SAMSN1: variants seen among roughly 807,000 people sequenced by gnomAD.
SAMSN1 encodes the protein SAM domain, SH3 domain and nuclear localization signals 1.
SAMSN1 carries 31 observed loss-of-function variants against 42.0 expected under a neutral mutation model. The observed-to-expected ratio is 0.74, with a 90% CI of 0.55 to 1.00. The LOEUF is 1.00. SAMSN1 is among the 50% of genes least tolerant of loss of function. SAMSN1 has a pLI of 0.00. For missense variants in SAMSN1, 464 were observed against 439.4 expected (o/e 1.06, Z -0.50); for synonymous variants, 178 against 151.9 (o/e 1.17, Z -1.26).
intron 1 of SAMSN1, chr21:14,523,323 G>A (rs772225206): frequency 3.3e-5 from 5 of 152,220 alleles, no homozygotes; most frequent in Admixed American, 6.5e-5. Flanking sequence ...ATTGCCCCAA[G>A]GATGATAGCT....
At chr21:14,571,603 G>A (rs1332749984) in intron 2 of SAMSN1, among the ~76,000 whole-genome samples, 3 of 152,092 alleles carry the variant, frequency 2.0e-5, no homozygotes, top group Admixed American at 6.5e-5. Flanking sequence ...ATGACTGAGC[G>A]ATATATTATG....
At chr21:14,596,677 C>T (rs1982271822) in intron 6 of SAMSN1, among the ~76,000 whole-genome samples, 1 of 152,100 alleles carries the variant, frequency 6.6e-6, no homozygotes, top group Admixed American at 6.6e-5. Flanking sequence ...ATGGATAGAC[C>T]AAAGTGGCAA....
intron 2 of SAMSN1, among the ~76,000 whole-genome samples, chr21:14,559,488 G>T (rs1980871812): frequency 6.6e-6 from 1 of 152,070 alleles, no homozygotes; most frequent in African/African-American, 2.4e-5. Flanking sequence ...TCCCTTGGGA[G>T]AATCTGTCTC....
intron 1 of SAMSN1, among the ~76,000 whole-genome samples, chr21:14,654,449 C>T (rs1983883277): frequency 6.6e-6 from 1 of 151,994 alleles, no homozygotes; most frequent in African/African-American, 2.4e-5. Flanking sequence ...ACATATTAAG[C>T]TCCCATCCCA....
At chr21:14,577,284 A>ATATATATATTTTTT (rs1460040142) in intron 2 of SAMSN1, among the ~76,000 whole-genome samples, 1 of 53,856 alleles carries the variant, frequency 1.9e-5, no homozygotes, top group African/African-American at 8.4e-5. Context: ...ATATATATAT[A>ATATATATATTTTTT]TTTTTTTTTT....
At chr21:14,580,058 G>A (rs1301759077) in intron 2 of SAMSN1, among the ~76,000 whole-genome samples, 1 of 152,184 alleles carries the variant, frequency 6.6e-6, no homozygotes, top group African/African-American at 2.4e-5. Context: ...TCAAAGGAAG[G>A]AGGGACTACT....
At chr21:14,503,582 G>A (rs760906973) in intron 5 of SAMSN1, among the ~76,000 whole-genome samples, 7 of 152,154 alleles carry the variant, frequency 4.6e-5, no homozygotes, top group Non-Finnish European at 1.0e-4. Flanking sequence ...AATAGAGAAT[G>A]AATACAGAGG....
chr21:14,546,221 T>A lies in SAMSN1; in HGVS notation c.41A>T (p.Lys14Ile). 6.2e-7 allele frequency: 1 copy of A among 1,613,476 alleles called. No homozygotes were observed. The highest frequency in any genetic ancestry group is 8.5e-7 in the Non-Finnish European group (1 of 1,179,664). The change falls in exon 1 of 8, where the codon AAA becomes ATA. Residue 14 changes from lysine (K) to isoleucine (I), a missense_variant. By Grantham distance (102) the Lys-to-Ile change is moderately radical. Transcript: ENST00000400566. ...RKPSNVSEKE[K>I]HQKPKRSSSF... ...TCACCTTACCTTTGGTTTTTGATGTTTCTCCTTCTCTGAAACATTGGATGG... is the reference window on the plus strand; with the variant it reads ...TCACCTTACCTTTGGTTTTTGATGTATCTCCTTCTCTGAAACATTGGATGG...
At chr21:14,629,619 CCA>C (rs1303473364) in intron 2 of SAMSN1, among the ~76,000 whole-genome samples, 2 of 152,160 alleles carry the variant, frequency 1.3e-5, no homozygotes, top group East Asian at 3.8e-4. Context: ...TGTACAGCAT[CCA>C]CACACAGCCT....
chr21:14,508,053 A>T (rs1483952343), intron 5 of SAMSN1, among the ~76,000 whole-genome samples: 1 of 152,244 alleles, frequency 6.6e-6, no homozygotes, highest in African/African-American at 2.4e-5. Flanking sequence ...TAGAAAAATC[A>T]TCTCAAGATG....
chr21:14,602,126 C>T (rs779218665), intron 5 of SAMSN1: 2 of 587,952 alleles, frequency 3.4e-6, no homozygotes, highest in African/African-American at 1.9e-5. Context: ...CTGTTACATA[C>T]AGAATATCAG....
chr21:14,637,861 A>G (rs1188601661), intron 2 of SAMSN1, among the ~76,000 whole-genome samples: 2 of 152,222 alleles, frequency 1.3e-5, no homozygotes, highest in Non-Finnish European at 2.9e-5. Context: ...GACAAAAGAT[A>G]GCCACCTTCT....
chr21:14,521,207 A>G lies in SAMSN1; in HGVS notation c.72T>C (p.Phe24=), dbSNP rs1236748985. The G allele has an allele frequency of 6.2e-7, 1 of 1,611,040 alleles. No homozygotes were observed. Among genetic ancestry groups the G allele is most frequent in the East Asian group, 2.2e-5 (1 of 44,796 alleles). ...TATTCCGAAAACGATCGAAATTCCCAAAACTGCTGCTTCGCTATAAAATAG... is the reference window on the plus strand; with the variant it reads ...TATTCCGAAAACGATCGAAATTCCCGAAACTGCTGCTTCGCTATAAAATAG... ...KHQKPKRSSS[F]GNFDRFRNNS... Residue 24 remains phenylalanine (F), a synonymous_variant, in exon 2 of 8, where the codon TTT becomes TTC. Coordinates refer to ENST00000400566, the MANE Select transcript of SAMSN1 (RefSeq NM_022136.5).
chr21:14,501,095 A>G (rs1414379831), intron 5 of SAMSN1, among the ~76,000 whole-genome samples: 1 of 152,144 alleles, frequency 6.6e-6, no homozygotes, highest in Non-Finnish European at 1.5e-5. Flanking sequence ...GTGAGCTGTA[A>G]TCATGTCACT....
At chr21:14,605,724 G>C (rs1982545691) in intron 5 of SAMSN1, among the ~76,000 whole-genome samples, 1 of 152,032 alleles carries the variant, frequency 6.6e-6, no homozygotes, top group Non-Finnish European at 1.5e-5. Flanking sequence ...TGGTGGACTA[G>C]AGTAGAAGGC....
chr21:14,587,163 T>C (rs930116623), upstream of SAMSN1, among the ~76,000 whole-genome samples: 4 of 152,234 alleles, frequency 2.6e-5, no homozygotes, highest in Admixed American at 2.6e-4. Flanking sequence ...GTGCTTCATG[T>C]TATTCATCTT....
chr21:14,529,041 C>T (rs1271978578), intron 1 of SAMSN1, among the ~76,000 whole-genome samples: 1 of 152,188 alleles, frequency 6.6e-6, no homozygotes, highest in Non-Finnish European at 1.5e-5. Context: ...GCATTCAGTG[C>T]ATGTGTGATT....
At chr21:14,551,169 C>T (rs1431347276), upstream of SAMSN1, among the ~76,000 whole-genome samples, 1 of 152,072 alleles carries the variant, frequency 6.6e-6, no homozygotes, top group African/African-American at 2.4e-5. Flanking sequence ...TAGTCATACT[C>T]TGGATATCTT....
chr21:14,649,543 A>G (rs1299773721), intron 1 of SAMSN1, among the ~76,000 whole-genome samples: 1 of 152,088 alleles, frequency 6.6e-6, no homozygotes, highest in African/African-American at 2.4e-5. Flanking sequence ...GCCAAGGTGG[A>G]TGGATCACCT....
Sources: gnomAD v4.1 joint callset for allele counts (sites outside exome capture counted in the v4.1 genomes callset) on GRCh38, gnomAD v4.1.1 for gene constraint, MANE v1.5 for transcripts, NCBI Gene and HGNC (gene_info 2026-07-23, HGNC 2026-07-21) for gene names.